Variants in AGMO observed in about 807,000 individuals in gnomAD.
AGMO encodes glyceryl-ether monooxygenase.
AGMO carries 75 observed loss-of-function variants against 60.2 expected under a neutral mutation model. The observed-to-expected ratio is 1.25, with a 90% confidence interval of 1.03 to 1.51. AGMO has a LOEUF of 1.51. Ranked by LOEUF, AGMO falls within the 40% of genes most tolerant of loss-of-function variation. AGMO has a pLI of 0.00. For synonymous variants in AGMO, 261 were observed against 177.1 expected, an observed-to-expected ratio of 1.47 and a Z score of -3.76; for missense variants, 763 against 525.5, an observed-to-expected ratio of 1.45 and a Z score of -4.42.
chr7:15,451,571 C>CTTTTATATCATAATTAATAATA (rs1781856852), intron 3 of AGMO, among the ~76,000 whole-genome samples: 1 of 152,002 alleles, frequency 6.6e-6, no homozygotes, highest in African/African-American at 2.4e-5. Flanking sequence ...CCTCAGGTCT[C>CTTTTATATCATAATTAATAATA]TTTTATATCA....
chr7:15,361,098 G>C (rs867334275), intron 12 of AGMO, among the ~76,000 whole-genome samples: 1 of 152,042 alleles, frequency 6.6e-6, no homozygotes, highest in Non-Finnish European at 1.5e-5. Context: ...AGGAGCCATA[G>C]GACACTGCTA....
chr7:15,426,686 T>C (rs1781072990), intron 4 of AGMO, among the ~76,000 whole-genome samples: 1 of 151,900 alleles, frequency 6.6e-6, no homozygotes. Context: ...GAGGTGGAGG[T>C]TGCAGTGGGC....
chr7:15,255,764 T>C (rs1783078941), intron 12 of AGMO, among the ~76,000 whole-genome samples: 1 of 152,190 alleles, frequency 6.6e-6, no homozygotes, highest in Non-Finnish European at 1.5e-5. Flanking sequence ...ATAAAGGCCA[T>C]ATCATTTCTG....
chr7:15,123,139 T>C, the AGMO span, among the ~76,000 whole-genome samples: 4 of 152,056 alleles, frequency 2.6e-5, no homozygotes, highest in Admixed American at 2.6e-4. Flanking sequence ...TTCCCAAATA[T>C]CTGCATAATC....
intron 3 of AGMO, among the ~76,000 whole-genome samples, chr7:15,513,413 C>T (rs11978511): frequency 0.012 from 1,866 of 152,108 alleles, 33 homozygotes; most frequent in African/African-American, 0.042. Context: ...TTCTTTATTT[C>T]TTCTATTTCC....
intron 12 of AGMO, among the ~76,000 whole-genome samples, chr7:15,299,028 C>G (rs976879671): frequency 6.6e-6 from 1 of 152,114 alleles, no homozygotes; most frequent in African/African-American, 2.4e-5. Context: ...TTTCAAGACT[C>G]AGCTCAAGTG....
Position 15,250,722 on chromosome 7 carries a change from C to A in AGMO, c.1264-49363G>T, listed in dbSNP as rs566501611. Among the ~76,000 whole-genome samples the A allele has an allele frequency of 2.6e-5, 4 of 152,120 alleles. No homozygotes were observed. In the East Asian group the frequency reaches 7.7e-4, roughly 29 times the overall value. Reference sequence around the variant, plus strand: ...TGGGAAGCTGAGGCAGGTGGATCACCTGAGGTCAGGAGTTCCAGACCAGAC... The same window carrying A: ...TGGGAAGCTGAGGCAGGTGGATCACATGAGGTCAGGAGTTCCAGACCAGAC... On this transcript the variant is annotated intron_variant, in intron 12 of 12. Coordinates refer to ENST00000342526, the MANE Select transcript of AGMO (RefSeq NM_001004320.2).
intron 12 of AGMO, among the ~76,000 whole-genome samples, chr7:15,205,990 ATTAT>A (rs1406786723): frequency 2.0e-5 from 3 of 152,118 alleles, no homozygotes; most frequent in Non-Finnish European, 4.4e-5. Context: ...TTTTTCCTAA[ATTAT>A]TTAAAGAAAA....
intron 12 of AGMO, among the ~76,000 whole-genome samples, chr7:15,265,159 A>G (rs954331801): frequency 1.3e-5 from 2 of 152,168 alleles, no homozygotes; most frequent in Non-Finnish European, 2.9e-5. Context: ...GGAGGCCATT[A>G]TCCTAAGTGA....
At chr7:15,213,760 G>C (rs1341559912) in intron 12 of AGMO, among the ~76,000 whole-genome samples, 1 of 151,886 alleles carries the variant, frequency 6.6e-6, no homozygotes, top group East Asian at 1.9e-4. Flanking sequence ...ATAGACAAAA[G>C]TATATCCTAA....
At chr7:15,295,998 T>C (rs1482505392) in intron 12 of AGMO, among the ~76,000 whole-genome samples, 1 of 152,188 alleles carries the variant, frequency 6.6e-6, no homozygotes, top group East Asian at 1.9e-4. Context: ...TCAGATAATT[T>C]TGTTGTATAT....
chr7:15,322,954 A>G (rs1195736942), intron 12 of AGMO, among the ~76,000 whole-genome samples: 1 of 112,490 alleles, frequency 8.9e-6, no homozygotes, highest in Admixed American at 1.2e-4. Context: ...GCATATATAT[A>G]TAACACGTGT....
intron 3 of AGMO, among the ~76,000 whole-genome samples, chr7:15,481,426 T>TA (rs1243712207): frequency 6.6e-6 from 1 of 151,938 alleles, no homozygotes; most frequent in African/African-American, 2.4e-5. Flanking sequence ...CCTTGATTTT[T>TA]AAAAAAACAT....
intron 12 of AGMO, among the ~76,000 whole-genome samples, chr7:15,264,414 A>C (rs1783372191): frequency 6.6e-6 from 1 of 151,984 alleles, no homozygotes; most frequent in Non-Finnish European, 1.5e-5. Context: ...TTGGGAAAAA[A>C]TGCACCCTAG....
chr7:15,179,320 A>T, the AGMO span, among the ~76,000 whole-genome samples: 1 of 152,146 alleles, frequency 6.6e-6, no homozygotes, highest in Non-Finnish European at 1.5e-5. Context: ...TCCTGAGGCA[A>T]ATTTCCTCCA....
chr7:15,226,951 A>G (rs1450703103), intron 12 of AGMO, among the ~76,000 whole-genome samples: 2 of 152,090 alleles, frequency 1.3e-5, no homozygotes, highest in Non-Finnish European at 2.9e-5. Context: ...TATAAGAGAA[A>G]AGAAGAGAAA....
chr7:15,557,569 C>G (rs971268618), intron 2 of AGMO, among the ~76,000 whole-genome samples: 2 of 151,224 alleles, frequency 1.3e-5, no homozygotes, highest in Non-Finnish European at 3.0e-5. Context: ...GCTCGCTTTT[C>G]CTTTTCTGTT....
At position 15,368,431 on chromosome 7, in the gene AGMO, G is replaced by A. The variant is rs561608492; in HGVS notation, c.1075-2209C>T. ...TACATATAAGGGAGAAATGATTTGT[G>A]TCAAAATCTGTAGTATGATTGCAAA... On this transcript the variant is annotated intron_variant, in intron 10 of 12. Coordinates refer to ENST00000342526, the MANE Select transcript of AGMO (RefSeq NM_001004320.2). Among the ~76,000 whole-genome samples, 9 of 152,164 alleles carry A rather than the reference G, an allele frequency of 5.9e-5. 2 individuals are homozygous for A. The highest frequency in any genetic ancestry group is 1.9e-4 in the African/African-American group (8 of 41,532).
chr7:15,431,749 C>T (rs1282757458), intron 3 of AGMO, among the ~76,000 whole-genome samples: 1 of 151,648 alleles, frequency 6.6e-6, no homozygotes, highest in Non-Finnish European at 1.5e-5. Context: ...TAAATTTTTC[C>T]ACATAGTTTT....
Sources: allele counts gnomAD v4.1 joint callset (sites outside exome capture counted in the v4.1 genomes callset), GRCh38; gene constraint gnomAD v4.1.1; transcripts MANE v1.5; gene names NCBI Gene and HGNC (gene_info 2026-07-23, HGNC 2026-07-21).